CD44: variants seen among roughly 807,000 people sequenced by gnomAD.
The protein encoded by CD44 is CD44 molecule (IN blood group).
Under a neutral mutation model 88.8 loss-of-function variants are expected in CD44, and 49 were observed. The observed-to-expected ratio is 0.55, with a 90% CI of 0.44 to 0.70. The LOEUF (loss-of-function observed/expected upper bound fraction) is 0.70. Ranked by LOEUF, CD44 falls within the 30% of genes least tolerant of loss-of-function variation. CD44 has a pLI of 0.00. For missense variants in CD44, 883 were observed against 913.8 expected (o/e 0.97, Z 0.43); for synonymous variants, 325 against 312.3 (o/e 1.04, Z -0.43).
chr11:35,196,567 A>G (rs1410998528), intron 5 of CD44, among the ~76,000 whole-genome samples, 179 bp from the exon 6 acceptor site: 1 of 152,026 alleles, frequency 6.6e-6, no homozygotes, highest in African/African-American at 2.4e-5. Flanking sequence ...CATTCTATAA[A>G]CTTCAGTTTG....
chr11:35,150,575 G>A lies in CD44; in HGVS notation c.67+11205G>A, dbSNP rs353623. Among the ~76,000 whole-genome samples the A allele has an allele frequency of 0.31, 47,808 of 152,086 alleles. 7,793 individuals are homozygous for A. The highest frequency in any genetic ancestry group is 0.4 in the African/African-American group (16,440 of 41,472). ...TTCTGTCAGTCACTGAATGTCCTTC[G>A]TCAGATCACAGCTCCTTTTGGTTGT... On this transcript the variant is annotated intron_variant, in intron 1 of 17. Coordinates refer to ENST00000428726, the MANE Select transcript of CD44 (RefSeq NM_000610.4).
At chr11:35,206,050 G>T (rs561752164) in intron 10 of CD44, 62 bp from the exon 11 acceptor site, 1 of 1,486,198 alleles carries the variant, frequency 6.7e-7, no homozygotes, top group Non-Finnish European at 8.9e-7. Context: ...AAATAAAATC[G>T]GTGTATCCCT....
chr11:35,163,892 AC>A (rs1458185433), intron 1 of CD44, among the ~76,000 whole-genome samples: 6 of 151,920 alleles, frequency 3.9e-5, no homozygotes, highest in African/African-American at 1.2e-4. Flanking sequence ...TGTCTGCCTC[AC>A]CCCCTGCTGG....
intron 3 of CD44, among the ~76,000 whole-genome samples, chr11:35,184,492 G>T (rs536859013): frequency 6.6e-6 from 1 of 152,140 alleles, no homozygotes; most frequent in Non-Finnish European, 1.5e-5. Flanking sequence ...GCATCTCATA[G>T]GTTGCGTCAG....
At chr11:35,154,597 A>G (rs1454285909) in intron 1 of CD44, among the ~76,000 whole-genome samples, 1 of 152,234 alleles carries the variant, frequency 6.6e-6, no homozygotes, top group South Asian at 2.1e-4. Context: ...GTAAATGAGA[A>G]TAAAGTTTAT....
intron 1 of CD44, among the ~76,000 whole-genome samples, chr11:35,159,131 A>G (rs1486103988): frequency 6.6e-6 from 1 of 152,234 alleles, no homozygotes; most frequent in African/African-American, 2.4e-5. Context: ...CCCAGAGTCC[A>G]CTTCCTCCCT....
At position 35,179,455 on chromosome 11, in the gene CD44, T is replaced by A. The variant is rs1203531692; in HGVS notation, c.234-819T>A. Reference sequence around the variant, plus strand: ...CCACCAGGATGCTGCTAGAAGAGGCTGGGCTGTGTATGTTGTATCTGTATG... The same window carrying A: ...CCACCAGGATGCTGCTAGAAGAGGCAGGGCTGTGTATGTTGTATCTGTATG... On this transcript the variant is annotated intron_variant, in intron 2 of 17. Transcript: ENST00000428726. Among the ~76,000 whole-genome samples the A allele has an allele frequency of 2.6e-5, 4 of 152,316 alleles. No individual in the cohort carries two copies. The East Asian group carries it at 7.7e-4, about 29-fold the overall frequency.
At chr11:35,181,640 C>T (rs1259468725) in intron 3 of CD44, among the ~76,000 whole-genome samples, 3 of 137,674 alleles carry the variant, frequency 2.2e-5, no homozygotes, top group Non-Finnish European at 4.6e-5. Context: ...ACATTATCAG[C>T]CTGAGACAAA....
chr11:35,171,475 A>G (rs1943878405), intron 1 of CD44, among the ~76,000 whole-genome samples: 1 of 152,214 alleles, frequency 6.6e-6, no homozygotes, highest in Non-Finnish European at 1.5e-5. Flanking sequence ...ACAATGTGTC[A>G]GAACCTGCTT....
At chr11:35,153,767 T>G (rs554365336) in intron 1 of CD44, among the ~76,000 whole-genome samples, 1 of 152,332 alleles carries the variant, frequency 6.6e-6, no homozygotes, top group African/African-American at 2.4e-5. Context: ...AGATCTCATC[T>G]GATTTAAAGC....
chr11:35,225,783 C>A (rs935324302), intron 17 of CD44, among the ~76,000 whole-genome samples: 4 of 152,108 alleles, frequency 2.6e-5, no homozygotes, highest in Non-Finnish European at 5.9e-5. Context: ...TGCCATTGCA[C>A]CCCAGCCTGG....
At position 35,229,211 on chromosome 11, in the gene CD44, G is replaced by T; in HGVS notation, c.2107G>T (p.Ala703Ser). 2 of 1,614,016 alleles carry T rather than the reference G, an allele frequency of 1.2e-6. No individual in the cohort carries two copies. Among genetic ancestry groups the T allele is most frequent in the Non-Finnish European group, 1.7e-6 (2 of 1,179,880 alleles). The change falls in exon 18 of 18, where the codon GCC (alanine) becomes TCC (serine). Residue 703 changes from alanine (A) to serine (S), a missense_variant. By Grantham distance (99) the Ala-to-Ser change is moderately conservative (BLOSUM62 1). Around this residue, in one of 2 missense-constraint regions of CD44, gnomAD observed 631 missense variants for 590.9 expected, o/e 1.07. Transcript: ENST00000428726. ...AAAGCCAAGTGGACTCAACGGAGAG[G>T]CCAGCAAGTCTCAGGAAATGGTGCA... Reference protein sequence around the residue: ...DRKPSGLNGEASKSQEMVHLV... With the variant: ...DRKPSGLNGESSKSQEMVHLV...
At chr11:35,211,780 T>A (rs1591291041) in intron 14 of CD44, among the ~76,000 whole-genome samples, 1 of 152,068 alleles carries the variant, frequency 6.6e-6, no homozygotes, top group East Asian at 1.9e-4. Flanking sequence ...TTGAACCACA[T>A]GAAACTGATA....
intron 3 of CD44, among the ~76,000 whole-genome samples, chr11:35,184,572 T>G (rs1389537145): frequency 6.6e-6 from 1 of 152,238 alleles, no homozygotes; most frequent in African/African-American, 2.4e-5. Context: ...CTATATGCCC[T>G]TATTTTCAAG....
chr11:35,209,899 C>G, intron 12 of CD44, 66 bp from the exon 13 acceptor site: 1 of 1,066,194 alleles, frequency 9.4e-7, no homozygotes, highest in East Asian at 2.7e-5. Flanking sequence ...ATTTTCCTTG[C>G]TAGCAGATAA....
At chr11:35,160,164 A>T (rs976825404) in intron 1 of CD44, among the ~76,000 whole-genome samples, 7 of 152,230 alleles carry the variant, frequency 4.6e-5, no homozygotes, top group African/African-American at 1.7e-4. Context: ...ATTGTCTCAG[A>T]ACTGAAGAAT....
rs1481754081 is a variant in CD44 at position 35,201,091 on chromosome 11, C to T, written c.932C>T (p.Thr311Ile). The change falls in exon 8 of 18, where the codon ACA becomes ATA. Residue 311 changes from threonine (T) to isoleucine (I), a missense_variant. Thr to Ile is a moderately conservative substitution (Grantham distance 89). Transcript: ENST00000428726. ...ATCATCGTTATCACAGTTTCAACCA[C>T]ACCACGGGCTTTTGACCACACAAAA... is the stretch of plus-strand genomic sequence containing the variant. ...EDFISSTIST[T>I]PRAFDHTKQN... The T allele has an allele frequency of 6.2e-7, 1 of 1,613,240 alleles. No individual in the cohort carries two copies. Among genetic ancestry groups the T allele is most frequent in the Admixed American group, 1.7e-5 (1 of 60,026 alleles).
At chr11:35,176,039 ATTTTTTTTT>A (rs201610565) in intron 1 of CD44, among the ~76,000 whole-genome samples, 4,096 of 102,290 alleles carry the variant, frequency 0.04, 69 homozygotes, top group East Asian at 0.12. Context: ...TAATTTTTGT[ATTTTTTTTT>A]TTTTTTTTTT....
rs1252270223 is a variant in CD44, at chr11:35,196,875, G to A, written c.796+1G>A. ...CTTCACACAACAACACAAATGGCTG[G>A]TAATGAGTTATTATTATCTCATAGC... On this transcript the variant is annotated splice_donor_variant, in intron 6 of 17. Coordinates refer to ENST00000428726, the MANE Select transcript of CD44 (RefSeq NM_000610.4). LOFTEE classifies it high-confidence loss of function. 1.2e-6 allele frequency: 2 copies of A among 1,612,950 alleles called. No homozygotes were observed. The highest frequency in any genetic ancestry group is 1.7e-6 in the Non-Finnish European group (2 of 1,179,238).
Sources: gnomAD v4.1 joint callset for allele counts (sites outside exome capture counted in the v4.1 genomes callset) on GRCh38, gnomAD v4.1.1 for gene constraint, gnomAD v4.1.1 regional missense constraint, MANE v1.5 for transcripts, NCBI Gene and HGNC (gene_info 2026-07-23, HGNC 2026-07-21) for gene names.